ACAP1: variants seen among roughly 807,000 people sequenced by gnomAD.
The protein encoded by ACAP1 is ArfGAP with coiled-coil, ankyrin repeat and PH domains 1, also known as arf-GAP with coiled-coil, ANK repeat and PH domain-containing protein 1.
Under a neutral mutation model 98.8 loss-of-function variants are expected in ACAP1, and 45 were observed. The ratio of observed to expected loss-of-function variants is 0.46; its 90% CI spans 0.36 to 0.58. The LOEUF (loss-of-function observed/expected upper bound fraction) is 0.58. Ranked by LOEUF, ACAP1 falls within the 20% of genes least tolerant of loss-of-function variation. The probability of loss-of-function intolerance (pLI) is 0.00; values close to 1 mark genes in which losing one functional copy is unlikely to be tolerated. For synonymous variants in ACAP1, 362 were observed against 375.3 expected (o/e 0.96, Z 0.41); for missense variants, 735 against 971.4 (o/e 0.76, Z 3.24).
chr17:7,343,259 C>A lies in ACAP1; in HGVS notation c.345-120C>A. On this transcript the variant is annotated intron_variant, in intron 5 of 21. Transcript: ENST00000158762. This position sits in a 1 kb window ranked among gnomAD's most constrained non-coding sequence, Gnocchi z 4.9. Reference sequence around the variant, plus strand: ...GTGTCCTGACTTCCGTCCCAGGGATCACCTTGGGTTTCCCACGTTGCAGAG... The same window carrying A: ...GTGTCCTGACTTCCGTCCCAGGGATAACCTTGGGTTTCCCACGTTGCAGAG... 1 of 1,036,156 alleles carries A rather than the reference C, an allele frequency of 9.7e-7. No individual in the cohort carries two copies. Among genetic ancestry groups the A allele is most frequent in the Non-Finnish European group, 1.4e-6 (1 of 711,762 alleles). 64.2% of individuals were successfully genotyped at this position (1,036,156 alleles called of 1,614,324 possible). A position where few individuals can be genotyped will look rare whatever the true frequency, so the allele number is the denominator to read the frequency against.
At chr17:7,341,480 G>A (rs374760882) in intron 2 of ACAP1, among the ~76,000 whole-genome samples, 3 of 152,198 alleles carry the variant, frequency 2.0e-5, no homozygotes, top group East Asian at 1.9e-4. Context: ...GAGCTCAAGC[G>A]ACTGGCCCGC....
At chr17:7,349,192 C>T (rs2073378266) in intron 18 of ACAP1, 25 bp downstream of exon 18, 3 of 1,612,356 alleles carry the variant, frequency 1.9e-6, no homozygotes, top group Non-Finnish European at 1.7e-6. Context: ...GACCTCTCCA[C>T]CCCACCCTAG....
chr17:7,347,532 G>A (rs2143017776), intron 14 of ACAP1: 2 of 511,268 alleles, frequency 3.9e-6, no homozygotes, highest in Non-Finnish European at 7.0e-6. Flanking sequence ...GGGGGAGCCA[G>A]TGAAGACTAG....
Position 7,350,456 on chromosome 17 carries a change from A to G in ACAP1, c.2072+219A>G, listed in dbSNP as rs972504458. 1 of 584,072 alleles carries G rather than the reference A, an allele frequency of 1.7e-6. No individual in the cohort carries two copies. Among genetic ancestry groups the G allele is most frequent in the Non-Finnish European group, 3.1e-6 (1 of 327,816 alleles). 36.2% of individuals were successfully genotyped at this position (584,072 alleles called of 1,614,324 possible). On this transcript the variant is annotated intron_variant, in intron 20 of 21. Coordinates refer to ENST00000158762, the MANE Select transcript of ACAP1 (RefSeq NM_014716.4). This position sits in a 1 kb window ranked among gnomAD's most constrained non-coding sequence, Gnocchi z 4.6. ...GCAGGCGGGAGGGCGGGCAGGGTGC[A>G]AGGATGCTTGGCCCACCCTGAGAGG...
Position 7,349,180 on chromosome 17 carries a change from C to T in ACAP1, c.1851+13C>T, listed in dbSNP as rs1320490996. ...GGCCACAGCTGCTGTAAGAGCCCTGCTGACCTCTCCACCCCACCCTAGGGC... is the reference window on the plus strand; with the variant it reads ...GGCCACAGCTGCTGTAAGAGCCCTGTTGACCTCTCCACCCCACCCTAGGGC... On this transcript the variant is annotated intron_variant, in intron 18 of 21. Coordinates refer to ENST00000158762, the MANE Select transcript of ACAP1 (RefSeq NM_014716.4). 1 of 1,613,346 alleles carries T rather than the reference C, an allele frequency of 6.2e-7. No homozygotes were observed. The highest frequency in any genetic ancestry group is 1.1e-5 in the South Asian group (1 of 91,048).
chr17:7,348,779 T>A (rs2073373389), intron 17 of ACAP1: 1 of 588,310 alleles, frequency 1.7e-6, no homozygotes, highest in East Asian at 2.9e-5. Context: ...CCAGATGAGG[T>A]GATGATGCCG....
In ACAP1 at chr17:7,348,156, C is replaced by T; in HGVS notation, c.1443C>T (p.Ile481=). 1 of 1,614,060 alleles carries T rather than the reference C, an allele frequency of 6.2e-7. No homozygotes were observed. Among genetic ancestry groups the T allele is most frequent in the Non-Finnish European group, 8.5e-7 (1 of 1,179,964 alleles). Residue 481 remains isoleucine, a synonymous_variant, in exon 16 of 22, where the codon ATC becomes ATT. Coordinates refer to ENST00000158762, the MANE Select transcript of ACAP1 (RefSeq NM_014716.4). ...KLMCELGNVI[I]NQIYEARVEA... ...TGTGTGAGCTGGGAAATGTCATCAT[C>T]AACCAGATCTATGAGGCCCGCGTGG...
At chr17:7,347,268 G>C in intron 14 of ACAP1, 26 bp downstream of exon 14, 1 of 1,589,888 alleles carries the variant, frequency 6.3e-7, no homozygotes, top group Non-Finnish European at 8.6e-7. Flanking sequence ...CCATGCGGGA[G>C]CCCCACTCCT....
In ACAP1 at chr17:7,348,678, G is replaced by A. The variant is rs2073372307; in HGVS notation, c.1678+203G>A. On this transcript the variant is annotated intron_variant, in intron 17 of 21. Coordinates refer to ENST00000158762, the MANE Select transcript of ACAP1 (RefSeq NM_014716.4). Reference sequence around the variant, plus strand: ...GGCTGGGCGTGGGCAGGGAGGGTAAGGGGTGCCAACAGCACAAGAAAAGGA... The same window carrying A: ...GGCTGGGCGTGGGCAGGGAGGGTAAAGGGTGCCAACAGCACAAGAAAAGGA... 6 of 634,998 alleles carry A rather than the reference G, an allele frequency of 9.4e-6. No homozygotes were observed. In the South Asian group the frequency reaches 1.5e-4, roughly 16 times the overall value. The allele number at this position is 634,998 out of a possible 1,614,324, so 39.3% of individuals were successfully genotyped here.
rs1597654450 is a variant in ACAP1, at chr17:7,348,178, G to C, written c.1465G>C (p.Val489Leu). The change falls in exon 16 of 22, where the codon GTG (valine) becomes CTG (leucine). Residue 489 changes from valine (V) to leucine (L), a missense_variant. Around this residue, in one of 5 missense-constraint regions of ACAP1, gnomAD observed 81 missense variants for 132.0 expected, o/e 0.61. Coordinates refer to ENST00000158762, the MANE Select transcript of ACAP1 (RefSeq NM_014716.4). ...VIINQIYEAR[V>L]EAMAVKKPGP... ...CATCAACCAGATCTATGAGGCCCGC[G>C]TGGAGGCCATGGCAGTGAAGAAACC... 6.2e-7 allele frequency: 1 copy of C among 1,613,984 alleles called. No individual in the cohort carries two copies. Among genetic ancestry groups the C allele is most frequent in the Admixed American group, 1.7e-5 (1 of 60,002 alleles).
In ACAP1 at chr17:7,336,738, A is replaced by G. The variant is rs760803287; in HGVS notation, c.4A>G (p.Thr2Ala). Reference sequence around the variant, plus strand: ...GCCCCACAGCAGGCAAGCTGAGATGACGGTCAAGCTGGATTTCGAGGAGTG... The same window carrying G: ...GCCCCACAGCAGGCAAGCTGAGATGGCGGTCAAGCTGGATTTCGAGGAGTG... Reference protein sequence around the residue: MTVKLDFEECLK... With the variant: MAVKLDFEECLK... The change falls in exon 1 of 22, where the codon ACG becomes GCG. Residue 2 changes from threonine (T) to alanine (A), a missense_variant. Around this residue, in one of 5 missense-constraint regions of ACAP1, gnomAD observed 430 missense variants for 531.8 expected, o/e 0.81. Transcript: ENST00000158762. The G allele has an allele frequency of 1.9e-6, 3 of 1,613,690 alleles. No individual in the cohort carries two copies. The highest frequency in any genetic ancestry group is 2.5e-6 in the Non-Finnish European group (3 of 1,179,826).
chr17:7,349,194 C>A, intron 18 of ACAP1, 27 bp downstream of exon 18: 5 of 1,612,102 alleles, frequency 3.1e-6, no homozygotes, highest in Non-Finnish European at 4.2e-6. Context: ...CCTCTCCACC[C>A]CACCCTAGGG....
chr17:7,342,439 C>G lies in ACAP1; in HGVS notation c.309C>G (p.His103Gln). 6.2e-7 allele frequency: 1 copy of G among 1,614,216 alleles called. No homozygotes were observed. The highest frequency in any genetic ancestry group is 8.5e-7 in the Non-Finnish European group (1 of 1,180,040). Residue 103 changes from histidine (H) to glutamine (Q), a missense_variant, in exon 5 of 22, where the codon CAC becomes CAG. His to Gln is a conservative substitution (Grantham distance 24). Coordinates refer to ENST00000158762, the MANE Select transcript of ACAP1 (RefSeq NM_014716.4). ...SHAELLDATQHTLQQQIQTLV... is the reference protein window; with the variant it reads ...SHAELLDATQQTLQQQIQTLV... The stretch of plus-strand genomic sequence containing the variant: ...AGGAGCTTCTAGATGCCACCCAACA[C>G]ACACTGCAGCAGCAGATCCAGACCC...
At chr17:7,342,907 CAAAAAA>C (rs35515243) in intron 5 of ACAP1, 22 of 69,010 alleles carry the variant, frequency 3.2e-4, no homozygotes, top group East Asian at 9.9e-4. Flanking sequence ...GACTCTGCCT[CAAAAAA>C]AAAAAAAAAA....
chr17:7,345,038 T>G (rs2143017163), intron 10 of ACAP1, among the ~76,000 whole-genome samples: 1 of 152,078 alleles, frequency 6.6e-6, no homozygotes, highest in East Asian at 1.9e-4. Flanking sequence ...AAGAGCAGGG[T>G]GGTGGCCCTG....
At chr17:7,345,384 C>T (rs1031303090) in intron 10 of ACAP1, 3 of 151,336 alleles carry the variant, frequency 2.0e-5, no homozygotes, top group African/African-American at 7.3e-5. Context: ...AGTGCAGTGG[C>T]GCAGTCTCGG....
At position 7,342,060 on chromosome 17, in the gene ACAP1, T is replaced by C; in HGVS notation, c.224T>C (p.Met75Thr). ...DLARLGPPEPMMAECLEKFTV... is the reference protein window; with the variant it reads ...DLARLGPPEPTMAECLEKFTV... ...GCCCGCCTGGGTCCACCAGAGCCCA[T>C]GATGGCGGTATGCGGAGGGTCTGCA... is the stretch of plus-strand genomic sequence containing the variant. The change falls in exon 3 of 22, where the codon ATG becomes ACG. Residue 75 changes from methionine (M) to threonine (T), a missense_variant. By Grantham distance (81) the Met-to-Thr change is moderately conservative. Transcript: ENST00000158762. 1 of 1,613,922 alleles carries C rather than the reference T, an allele frequency of 6.2e-7. No homozygotes were observed. Among genetic ancestry groups the C allele is most frequent in the Non-Finnish European group, 8.5e-7 (1 of 1,179,958 alleles).
Position 7,336,564 on chromosome 17 carries a change from T to A in ACAP1, c.-171T>A. ...GGAAGTGTGGGGTGAGAGCTCCTCC[T>A]AGGACACCCCTTTCCCCTTGGGGAA... On this transcript the variant is annotated 5_prime_UTR_variant, in exon 1 of 22. Transcript: ENST00000158762. 1.4e-5 allele frequency: 9 copies of A among 635,092 alleles called. No homozygotes were observed. Among genetic ancestry groups the A allele is most frequent in the Non-Finnish European group, 2.2e-5 (8 of 357,158 alleles). 39.3% of individuals were successfully genotyped at this position (635,092 alleles called of 1,614,324 possible).
intron 2 of ACAP1, among the ~76,000 whole-genome samples, chr17:7,337,958 C>T (rs75921867): frequency 0.13 from 19,342 of 152,184 alleles, 1,567 homozygotes; most frequent in South Asian, 0.26. Flanking sequence ...TCTGCTCCCA[C>T]GGAGCCCAAA....
Sources: gnomAD v4.1 joint callset for allele counts (sites outside exome capture counted in the v4.1 genomes callset) on GRCh38, gnomAD v4.1.1 for gene constraint, gnomAD v4.1.1 regional missense constraint, Gnocchi (gnomAD v3.1) non-coding constraint, MANE v1.5 for transcripts, NCBI Gene and HGNC (gene_info 2026-07-23, HGNC 2026-07-21) for gene names.